EFCAB6: variants seen among roughly 807,000 people sequenced by gnomAD.
EFCAB6 encodes the protein EF-hand calcium-binding domain-containing protein 6.
A neutral mutation model predicts 169.8 loss-of-function variants in EFCAB6; 156 were observed. The observed-to-expected ratio is 0.92, with a 90% confidence interval of 0.81 to 1.05. EFCAB6 has a LOEUF of 1.05. Ranked by LOEUF, EFCAB6 falls within the 50% of genes least tolerant of loss-of-function variation. EFCAB6 has a pLI of 0.00. For missense variants in EFCAB6, 1,800 were observed against 1,829.1 expected (o/e 0.98, Z 0.29); for synonymous variants, 698 against 676.4 (o/e 1.03, Z -0.50).
rs575672002 is a variant in EFCAB6 at position 43,750,799 on chromosome 22, CCT to C, written c.507+4965_507+4966del. 2.7e-3 allele frequency among the ~76,000 whole-genome samples: 409 copies of C among 152,326 alleles called. 2 individuals carry two copies. Among genetic ancestry groups the C allele is most frequent in the Admixed American group, 4.1e-3 (62 of 15,302 alleles). On this transcript the variant is annotated intron_variant, in intron 6 of 31. Transcript: ENST00000262726. ...TAAATGTCTTTTTAAAGAAAATTCACCTCTTTAAGAGAATGAATCTACCCACC... is the reference window on the plus strand; with the variant it reads ...TAAATGTCTTTTTAAAGAAAATTCACCTTTAAGAGAATGAATCTACCCACC...
chr22:43,659,914 A>C (rs2056922299), intron 17 of EFCAB6, among the ~76,000 whole-genome samples: 1 of 152,210 alleles, frequency 6.6e-6, no homozygotes, highest in Non-Finnish European at 1.5e-5. Flanking sequence ...CACAGGAGAA[A>C]GGAGCTGAAA....
intron 27 of EFCAB6, among the ~76,000 whole-genome samples, chr22:43,544,684 TC>T (rs1229790689): frequency 1.3e-5 from 2 of 152,024 alleles, no homozygotes; most frequent in African/African-American, 4.8e-5. Flanking sequence ...CTCCAGCCCT[TC>T]CAGAGCTTCT....
In EFCAB6 at chr22:43,756,265, G is replaced by A. The variant is rs549148028; in HGVS notation, c.441-433C>T. 4.2e-3 allele frequency among the ~76,000 whole-genome samples: 641 copies of A among 152,282 alleles called. 2 individuals are homozygous for A. Among genetic ancestry groups the A allele is most frequent in the Middle Eastern group, 0.027 (8 of 294 alleles). ...CACATGTGAGGAAGTGGAGGCGCCAGCATCAGACCCAGGTGCTCTGGGTTC... is the reference window on the plus strand; with the variant it reads ...CACATGTGAGGAAGTGGAGGCGCCAACATCAGACCCAGGTGCTCTGGGTTC... On this transcript the variant is annotated intron_variant, in intron 5 of 31. Transcript: ENST00000262726.
intron 2 of EFCAB6, among the ~76,000 whole-genome samples, chr22:43,792,285 G>A (rs1461149409): frequency 2.0e-5 from 3 of 152,192 alleles, no homozygotes; most frequent in Non-Finnish European, 2.9e-5. Flanking sequence ...CGAACCTGTG[G>A]TTGTGTGTTT....
chr22:43,599,816 C>A (rs2052359795), intron 23 of EFCAB6, among the ~76,000 whole-genome samples: 1 of 152,142 alleles, frequency 6.6e-6, no homozygotes, highest in African/African-American at 2.4e-5. Context: ...TTTAAAGGAT[C>A]ATTTTCAAGG....
chr22:43,578,671 C>A (rs2050421714), intron 25 of EFCAB6, among the ~76,000 whole-genome samples: 1 of 152,044 alleles, frequency 6.6e-6, no homozygotes, highest in Non-Finnish European at 1.5e-5. Flanking sequence ...TACACGCGGT[C>A]ATCATTCCCT....
intron 17 of EFCAB6, among the ~76,000 whole-genome samples, chr22:43,637,687 G>A (rs61356159): frequency 2.6e-5 from 4 of 152,238 alleles, no homozygotes; most frequent in African/African-American, 7.2e-5. Flanking sequence ...CAGGAAGCAC[G>A]TGATTGGGAA....
At chr22:43,689,355 ACACACAC>A (rs2058322784) in intron 10 of EFCAB6, among the ~76,000 whole-genome samples, 3 of 151,146 alleles carry the variant, frequency 2.0e-5, no homozygotes, top group South Asian at 4.2e-4. Context: ...ACGTGCACAC[ACACACAC>A]ACACACACAC....
intron 23 of EFCAB6, among the ~76,000 whole-genome samples, chr22:43,597,816 T>G (rs1244033304): frequency 6.6e-6 from 1 of 152,118 alleles, no homozygotes; most frequent in Non-Finnish European, 1.5e-5. Flanking sequence ...AGCCAAGATA[T>G]GAAATCAACC....
chr22:43,670,307 G>A (rs1361771100), intron 15 of EFCAB6, among the ~76,000 whole-genome samples: 2 of 152,106 alleles, frequency 1.3e-5, no homozygotes, highest in Non-Finnish European at 2.9e-5. Flanking sequence ...ACACCTTTGG[G>A]GTTGTCAATT....
intron 6 of EFCAB6, among the ~76,000 whole-genome samples, chr22:43,743,895 G>A (rs2060460672): frequency 6.6e-6 from 1 of 150,920 alleles, no homozygotes; most frequent in Non-Finnish European, 1.5e-5. Flanking sequence ...TGAGTGGATG[G>A]ATGGATGGGT....
intron 11 of EFCAB6, among the ~76,000 whole-genome samples, chr22:43,687,168 G>A (rs2058228803): frequency 6.6e-6 from 1 of 152,230 alleles, no homozygotes; most frequent in African/African-American, 2.4e-5. Flanking sequence ...CTGTGTGCCT[G>A]GAGCCTTTGT....
chr22:43,740,950 A>G (rs1406319729), intron 6 of EFCAB6, among the ~76,000 whole-genome samples: 1 of 152,206 alleles, frequency 6.6e-6, no homozygotes, highest in Admixed American at 6.5e-5. Flanking sequence ...ACCGGGAAGC[A>G]GCAACCTGGC....
At chr22:43,802,718 C>A in intron 2 of EFCAB6, 1 of 506,106 alleles carries the variant, frequency 2.0e-6, no homozygotes, top group South Asian at 1.4e-5. Context: ...CCCTGCACAA[C>A]ATGGAGATGC....
chr22:43,604,630 G>T (rs189980318), intron 22 of EFCAB6, among the ~76,000 whole-genome samples: 1 of 152,052 alleles, frequency 6.6e-6, no homozygotes, highest in Non-Finnish European at 1.5e-5. Flanking sequence ...CACCGAGTAG[G>T]TTCTCTCTGG....
At chr22:43,593,578 C>T (rs763432914) in intron 23 of EFCAB6, among the ~76,000 whole-genome samples, 6 of 152,190 alleles carry the variant, frequency 3.9e-5, no homozygotes, top group Non-Finnish European at 8.8e-5. Context: ...ATTTCACAAA[C>T]TCAATTCTCT....
At chr22:43,723,855 C>T (rs1029582465) in intron 8 of EFCAB6, among the ~76,000 whole-genome samples, 13 of 152,280 alleles carry the variant, frequency 8.5e-5, no homozygotes, top group Non-Finnish European at 1.8e-4. Flanking sequence ...GGGCAGAGTC[C>T]GGAGATGGCC....
intron 2 of EFCAB6, among the ~76,000 whole-genome samples, chr22:43,782,766 A>G (rs1241907555): frequency 3.3e-5 from 5 of 152,212 alleles, no homozygotes; most frequent in African/African-American, 1.2e-4. Flanking sequence ...CATTAAATCA[A>G]TGAGGACACT....
intron 10 of EFCAB6, among the ~76,000 whole-genome samples, chr22:43,689,068 A>T (rs1236433453): frequency 1.3e-5 from 2 of 152,148 alleles, no homozygotes; most frequent in African/African-American, 4.8e-5. Flanking sequence ...CCTACTCCTC[A>T]CCTGAAGCCT....
Sources: allele counts gnomAD v4.1 joint callset (sites outside exome capture counted in the v4.1 genomes callset), GRCh38; gene constraint gnomAD v4.1.1; transcripts MANE v1.5; gene names NCBI Gene and HGNC (gene_info 2026-07-23, HGNC 2026-07-21).